DCP1A: variants seen among roughly 807,000 people sequenced by gnomAD.
DCP1A encodes decapping mRNA 1A, also known as mRNA-decapping enzyme 1A.
Under a neutral mutation model 58.0 loss-of-function variants are expected in DCP1A, and 20 were observed. The ratio of observed to expected loss-of-function variants is 0.34; its 90% CI spans 0.24 to 0.50. The LOEUF (loss-of-function observed/expected upper bound fraction) is 0.50. Among genes scored for constraint, DCP1A ranks in the 20% least tolerant of loss-of-function variants. DCP1A has a pLI of 0.98. For synonymous variants in DCP1A, 285 were observed against 275.1 expected (o/e 1.04, Z -0.36); for missense variants, 613 against 712.2 (o/e 0.86, Z 1.59).
intron 4 of DCP1A, among the ~76,000 whole-genome samples, chr3:53,312,946 T>C (rs1432334368): frequency 3.3e-5 from 5 of 152,164 alleles, no homozygotes; most frequent in Non-Finnish European, 5.9e-5. Context: ...CAGAGATGCA[T>C]TACAAACTCC....
intron 3 of DCP1A, among the ~76,000 whole-genome samples, chr3:53,322,435 G>C (rs1707995184): frequency 6.7e-6 from 1 of 149,648 alleles, no homozygotes; most frequent in Admixed American, 6.7e-5. Context: ...TGGGCAACAA[G>C]AGTGAAACTC....
chr3:53,308,615 A>G (rs1338309576), intron 5 of DCP1A, among the ~76,000 whole-genome samples: 1 of 152,064 alleles, frequency 6.6e-6, no homozygotes, highest in Non-Finnish European at 1.5e-5. Flanking sequence ...TCTTTTTAAG[A>G]AACAGAGTCT....
chr3:53,328,436 T>C (rs987501347), intron 3 of DCP1A, among the ~76,000 whole-genome samples: 11 of 152,106 alleles, frequency 7.2e-5, no homozygotes, highest in Non-Finnish European at 1.3e-4. Flanking sequence ...ATTTGAAGTA[T>C]TGAATATTTA....
chr3:53,300,093 C>T (rs1446084130), intron 6 of DCP1A, among the ~76,000 whole-genome samples: 1 of 151,926 alleles, frequency 6.6e-6, no homozygotes, highest in Non-Finnish European at 1.5e-5. Flanking sequence ...GTCTCAAACT[C>T]CTGACCTCAT....
At chr3:53,299,880 C>T (rs1444267560) in intron 6 of DCP1A, among the ~76,000 whole-genome samples, 1 of 152,048 alleles carries the variant, frequency 6.6e-6, no homozygotes, top group East Asian at 1.9e-4. Context: ...GTCTTCCTCC[C>T]ACCCCGAGAT....
chr3:53,294,306 A>T (rs147464756), intron 6 of DCP1A, among the ~76,000 whole-genome samples: 94 of 152,272 alleles, frequency 6.2e-4, no homozygotes, highest in African/African-American at 2.0e-3. Context: ...AGAGAAGAGG[A>T]TGAGAACTGG....
intron 5 of DCP1A, among the ~76,000 whole-genome samples, chr3:53,309,977 A>T (rs1575603947): frequency 6.6e-6 from 1 of 152,202 alleles, no homozygotes; most frequent in Non-Finnish European, 1.5e-5. Flanking sequence ...AGCTGAAGGG[A>T]GCCCATCCAA....
Position 53,288,292 on chromosome 3 carries a change from T to A in DCP1A, c.1450-9A>T. 1.3e-6 allele frequency: 2 copies of A among 1,597,130 alleles called. No homozygotes were observed. Among genetic ancestry groups the A allele is most frequent in the Non-Finnish European group, 1.7e-6 (2 of 1,171,624 alleles). On this transcript the variant is annotated splice_polypyrimidine_tract_variant and intron_variant, in intron 8 of 9. Coordinates refer to ENST00000610213, the MANE Select transcript of DCP1A (RefSeq NM_018403.7). Reference sequence around the variant, plus strand: ...AGTGGGGCGCCTGCAACCTGGAGAGTGACAATGGTCATTTTGTACCGAAGT... The same window carrying A: ...AGTGGGGCGCCTGCAACCTGGAGAGAGACAATGGTCATTTTGTACCGAAGT...
At chr3:53,315,533 T>TC (rs1426914958) in intron 4 of DCP1A, among the ~76,000 whole-genome samples, 15 of 50,184 alleles carry the variant, frequency 3.0e-4, no homozygotes, top group Admixed American at 6.7e-4. Context: ...AGACTCTGTC[T>TC]CAAAAAAAAA....
chr3:53,321,088 G>A (rs1553689895), intron 3 of DCP1A, among the ~76,000 whole-genome samples: 6 of 152,234 alleles, frequency 3.9e-5, no homozygotes, highest in Non-Finnish European at 8.8e-5. Context: ...GCCTACCCGG[G>A]CCACCTTCTG....
chr3:53,336,477 TAG>T (rs1265234909), intron 3 of DCP1A, among the ~76,000 whole-genome samples: 1 of 152,230 alleles, frequency 6.6e-6, no homozygotes. Context: ...TTACATCCAT[TAG>T]AGTCTCTAGT....
In DCP1A at chr3:53,292,532, G is replaced by A. The variant is rs781923882; in HGVS notation, c.920C>T (p.Ala307Val). ...ASITQSNEKHAPTYTIPLSPV... is the reference protein window; with the variant it reads ...ASITQSNEKHVPTYTIPLSPV... Reference sequence around the variant, plus strand: ...GCTCAACGGGATTGTGTAGGTTGGAGCATGCTTTTCATTGGACTGTGTGAT... The same window carrying A: ...GCTCAACGGGATTGTGTAGGTTGGAACATGCTTTTCATTGGACTGTGTGAT... Residue 307 changes from alanine to valine, a missense_variant, in exon 7 of 10, where the codon GCT becomes GTT. Physicochemically the swap from Ala to Val is moderately conservative, Grantham distance 64 (BLOSUM62 0). Transcript: ENST00000610213. The A allele has an allele frequency of 3.7e-6, 6 of 1,613,882 alleles. No individual in the cohort carries two copies. The South Asian group carries it at 5.5e-5, about 15-fold the overall frequency.
chr3:53,309,672 G>T (rs1707586082), intron 5 of DCP1A, among the ~76,000 whole-genome samples: 1 of 152,200 alleles, frequency 6.6e-6, no homozygotes, highest in African/African-American at 2.4e-5. Context: ...GGCTAAGATG[G>T]GAGAATGTCT....
At chr3:53,316,596 C>CTTTTTTT (rs11351636) in intron 4 of DCP1A, among the ~76,000 whole-genome samples, 1 of 112,350 alleles carries the variant, frequency 8.9e-6, no homozygotes, top group African/African-American at 3.5e-5. Flanking sequence ...TTCTTCTTCC[C>CTTTTTTT]TTTTTTTTTT....
chr3:53,335,896 C>G lies in DCP1A; in HGVS notation c.304+6248G>C, dbSNP rs2089106307. On this transcript the variant is annotated intron_variant, in intron 3 of 9. Coordinates refer to ENST00000610213, the MANE Select transcript of DCP1A (RefSeq NM_018403.7). ...CTGGAGCGCAGTGGCGTGATCATGG[C>G]TCACTGCAGCCTCAACCTCGCGGGC... 2.0e-5 allele frequency among the ~76,000 whole-genome samples: 3 copies of G among 152,132 alleles called. No homozygotes were observed. In the South Asian group the frequency reaches 6.2e-4, roughly 32 times the overall value.
At chr3:53,339,719 C>T (rs1390998490) in intron 3 of DCP1A, among the ~76,000 whole-genome samples, 4 of 152,042 alleles carry the variant, frequency 2.6e-5, no homozygotes, top group Admixed American at 2.6e-4. Flanking sequence ...GGACTTTTGC[C>T]TTGTGAAAAA....
chr3:53,298,318 A>G (rs762594151), intron 6 of DCP1A, among the ~76,000 whole-genome samples: 11 of 152,230 alleles, frequency 7.2e-5, no homozygotes, highest in Non-Finnish European at 1.5e-4. Context: ...TAGATTCTCT[A>G]TGCTGCCTCC....
chr3:53,292,530 G>A lies in DCP1A; in HGVS notation c.922C>T (p.Pro308Ser), dbSNP rs782088982. The change falls in exon 7 of 10, where the codon CCA (proline) becomes TCA (serine). Residue 308 changes from proline (P) to serine (S), a missense_variant. Pro to Ser is a moderately conservative substitution (Grantham distance 74). Transcript: ENST00000610213. ...SITQSNEKHA[P>S]TYTIPLSPVL... ...GGGCTCAACGGGATTGTGTAGGTTG[G>A]AGCATGCTTTTCATTGGACTGTGTG... 6.2e-7 allele frequency: 1 copy of A among 1,613,998 alleles called. No homozygotes were observed. The highest frequency in any genetic ancestry group is 1.1e-5 in the South Asian group (1 of 91,084).
chr3:53,290,333 C>T lies in DCP1A; in HGVS notation c.1449+458G>A, dbSNP rs564610787. Among the ~76,000 whole-genome samples the T allele has an allele frequency of 2.6e-5, 4 of 152,226 alleles. No individual in the cohort carries two copies. The South Asian group carries it at 8.3e-4, about 32-fold the overall frequency. ...CTGGGACATCACAGCTCTTCCAGGG[C>T]AGTATTTCCTACTTATAGAAGCCAG... On this transcript the variant is annotated intron_variant, in intron 8 of 9. Coordinates refer to ENST00000610213, the MANE Select transcript of DCP1A (RefSeq NM_018403.7).
Sources: gnomAD v4.1 joint callset for allele counts (sites outside exome capture counted in the v4.1 genomes callset) on GRCh38, gnomAD v4.1.1 for gene constraint, MANE v1.5 for transcripts, NCBI Gene and HGNC (gene_info 2026-07-23, HGNC 2026-07-21) for gene names.